Variants in CDH12 observed in about 807,000 individuals in gnomAD.
CDH12 encodes cadherin 12.
A neutral mutation model predicts 74.1 loss-of-function variants in CDH12; 41 were observed. That is an observed-to-expected ratio of 0.55 (90% CI 0.43 to 0.72). CDH12 has a LOEUF of 0.72. Among genes scored for constraint, CDH12 ranks in the 30% least tolerant of loss-of-function variants. CDH12 has a pLI of 0.00. For missense variants in CDH12, 945 were observed against 977.2 expected (o/e 0.97, Z 0.44); for synonymous variants, 399 against 355.0 (o/e 1.12, Z -1.39).
chr5:22,179,700 C>T (rs901986831), intron 4 of CDH12, among the ~76,000 whole-genome samples: 13 of 152,056 alleles, frequency 8.5e-5, no homozygotes, highest in Non-Finnish European at 1.8e-4. Context: ...ATGAGTGGTG[C>T]CACAGAATTA....
chr5:21,885,176 C>T (rs554182148), intron 6 of CDH12, among the ~76,000 whole-genome samples: 44 of 151,696 alleles, frequency 2.9e-4, no homozygotes, highest in Non-Finnish European at 4.0e-4. Context: ...GATGAGCCAC[C>T]GCGCCCAGGC....
At position 22,059,328 on chromosome 5, in the gene CDH12, CT is replaced by C. The variant is rs1260634832; in HGVS notation, c.231+19117del. Among the ~76,000 whole-genome samples the C allele has an allele frequency of 2.9e-4, 43 of 149,482 alleles. No homozygotes were observed. In the East Asian group the frequency reaches 4.5e-3, roughly 16 times the overall value. On this transcript the variant is annotated intron_variant, in intron 5 of 14. Coordinates refer to ENST00000382254, the MANE Select transcript of CDH12 (RefSeq NM_004061.5). ...TATCTATCATCTATCCATCTATCGTCTATCTATCATCTATCTATCTATCTAT... is the reference window on the plus strand; with the variant it reads ...TATCTATCATCTATCCATCTATCGTCATCTATCATCTATCTATCTATCTAT...
intron 5 of CDH12, among the ~76,000 whole-genome samples, chr5:21,996,124 T>G (rs898625022): frequency 1.6e-5 from 2 of 123,282 alleles, no homozygotes; most frequent in Non-Finnish European, 3.2e-5. Flanking sequence ...TTTTTTTTTT[T>G]TTTTTTTTCC....
At chr5:22,704,472 G>T (rs1002406642) in intron 1 of CDH12, among the ~76,000 whole-genome samples, 1 of 152,010 alleles carries the variant, frequency 6.6e-6, no homozygotes, top group African/African-American at 2.4e-5. Context: ...AAATATTAGG[G>T]TTATATCACT....
intron 2 of CDH12, among the ~76,000 whole-genome samples, chr5:22,406,225 G>A (rs1187522039): frequency 6.6e-6 from 1 of 152,150 alleles, no homozygotes; most frequent in East Asian, 1.9e-4. Flanking sequence ...GGCAAGTCGA[G>A]GACTCTTTTT....
chr5:22,347,691 C>T (rs1708624192), intron 3 of CDH12, among the ~76,000 whole-genome samples: 1 of 152,130 alleles, frequency 6.6e-6, no homozygotes, highest in African/African-American at 2.4e-5. Flanking sequence ...TATTTAAACT[C>T]CACAAATTGG....
chr5:22,780,281 C>T (rs1378843382), intron 1 of CDH12, among the ~76,000 whole-genome samples: 1 of 152,082 alleles, frequency 6.6e-6, no homozygotes. Flanking sequence ...TTCCTGGGTA[C>T]TCAGAAGGCT....
At position 22,189,905 on chromosome 5, in the gene CDH12, T is replaced by C. The variant is rs545499571; in HGVS notation, c.-187+22593A>G. Among the ~76,000 whole-genome samples, 111 of 152,180 alleles carry C rather than the reference T, an allele frequency of 7.3e-4. 2 individuals carry two copies. In the South Asian group the frequency reaches 0.023, roughly 32 times the overall value. ...GCATTTTGTTGTGACTCCTGTGTGC[T>C]TTTCTAAGACGTGTTTGCTTCACAG... On this transcript the variant is annotated intron_variant, in intron 4 of 14. Transcript: ENST00000382254.
intron 1 of CDH12, among the ~76,000 whole-genome samples, chr5:22,601,157 T>G (rs1736837687): frequency 6.6e-6 from 1 of 152,050 alleles, no homozygotes; most frequent in Non-Finnish European, 1.5e-5. Flanking sequence ...ATTTTATTTA[T>G]TTTTTTAACC....
chr5:22,164,050 A>G (rs1160490827), intron 4 of CDH12, among the ~76,000 whole-genome samples: 2 of 152,232 alleles, frequency 1.3e-5, no homozygotes, highest in Non-Finnish European at 2.9e-5. Context: ...CAATTACAGA[A>G]GAAGCAAGTA....
intron 6 of CDH12, among the ~76,000 whole-genome samples, chr5:21,965,595 A>AT (rs56966304): frequency 1.5e-3 from 214 of 145,636 alleles, no homozygotes; most frequent in African/African-American, 3.9e-3. Context: ...GTAGACTCTG[A>AT]TTTTTTTTTT....
intron 2 of CDH12, among the ~76,000 whole-genome samples, chr5:22,444,602 G>A (rs929308200): frequency 2.0e-5 from 3 of 151,372 alleles, no homozygotes; most frequent in Admixed American, 1.3e-4. Flanking sequence ...TTGAGGACAG[G>A]CTTTAACATT....
intron 2 of CDH12, among the ~76,000 whole-genome samples, chr5:22,410,106 G>T (rs72744852): frequency 0.11 from 17,096 of 151,848 alleles, 1,009 homozygotes; most frequent in South Asian, 0.19. Flanking sequence ...CTTTGTTGGG[G>T]CTCAGAGAAC....
intron 5 of CDH12, among the ~76,000 whole-genome samples, chr5:22,059,441 A>G (rs932641589): frequency 6.6e-6 from 1 of 152,024 alleles, no homozygotes; most frequent in African/African-American, 2.4e-5. Context: ...GCATAGCTTT[A>G]AAAGGTACTA....
chr5:22,801,555 C>T (rs1748513452), intron 1 of CDH12, among the ~76,000 whole-genome samples: 1 of 147,288 alleles, frequency 6.8e-6, no homozygotes, highest in African/African-American at 2.5e-5. Context: ...CGATATAATG[C>T]TTCTATTTTT....
chr5:21,761,107 G>A (rs1561160907), intron 12 of CDH12, among the ~76,000 whole-genome samples: 1 of 152,012 alleles, frequency 6.6e-6, no homozygotes, highest in Non-Finnish European at 1.5e-5. Flanking sequence ...TGTAACAATG[G>A]CTCTATTTTC....
At chr5:22,792,767 T>C (rs1370638826) in intron 1 of CDH12, among the ~76,000 whole-genome samples, 2 of 152,198 alleles carry the variant, frequency 1.3e-5, no homozygotes, top group African/African-American at 2.4e-5. Context: ...AAACGGGAGT[T>C]GGGTCATCAG....
rs542027938 is a variant in CDH12, at chr5:22,682,791, C to A, written c.-523+170267G>T. On this transcript the variant is annotated intron_variant, in intron 1 of 14. Transcript: ENST00000382254. ...TTCCATTACTCTCATTAAAACCTTC[C>A]TCCCCTCAGAAAAAAAAAGCAAAAC... 1.6e-4 allele frequency among the ~76,000 whole-genome samples: 25 copies of A among 151,840 alleles called. No homozygotes were observed. The South Asian group carries it at 2.5e-3, about 15-fold the overall frequency.
At chr5:22,401,356 A>G (rs1742722981) in intron 3 of CDH12, among the ~76,000 whole-genome samples, 1 of 152,160 alleles carries the variant, frequency 6.6e-6, no homozygotes, top group South Asian at 2.1e-4. Context: ...AGGGATCTCT[A>G]CCTACCAAAA....
Sources: gnomAD v4.1 joint callset for allele counts (sites outside exome capture counted in the v4.1 genomes callset) on GRCh38, gnomAD v4.1.1 for gene constraint, MANE v1.5 for transcripts, NCBI Gene and HGNC (gene_info 2026-07-23, HGNC 2026-07-21) for gene names.